CARF: variants seen among roughly 807,000 people sequenced by gnomAD.
CARF encodes calcium responsive transcription factor.
Under a neutral mutation model 82.0 loss-of-function variants are expected in CARF, and 57 were observed. That is an observed-to-expected ratio of 0.70 (90% CI 0.56 to 0.87). The LOEUF (loss-of-function observed/expected upper bound fraction) is 0.87, where lower values mean the gene tolerates loss of function less well. Among genes scored for constraint, CARF ranks in the 40% least tolerant of loss-of-function variants. The pLI is 0.00. For missense variants in CARF, 771 were observed against 855.8 expected (o/e 0.90, Z 1.24); for synonymous variants, 268 against 290.1 (o/e 0.92, Z 0.77).
chr2:202,934,666 G>C (rs1403369378), intron 3 of CARF: 2 of 152,322 alleles, frequency 1.3e-5, no homozygotes, highest in Admixed American at 1.3e-4. Context: ...TGTTGTCCGG[G>C]CTCGTCTGGA....
chr2:202,935,969 A>T (rs1693869471), intron 3 of CARF, among the ~76,000 whole-genome samples: 1 of 151,756 alleles, frequency 6.6e-6, no homozygotes, highest in Admixed American at 6.6e-5. Flanking sequence ...GACATGTGCC[A>T]CCATACCCAG....
chr2:202,937,772 G>A (rs1694180973), intron 3 of CARF, among the ~76,000 whole-genome samples: 1 of 151,900 alleles, frequency 6.6e-6, no homozygotes, highest in Non-Finnish European at 1.5e-5. Context: ...TTATAGGCGT[G>A]CGCCACCACG....
intron 5 of CARF, 146 bp downstream of exon 5, chr2:202,943,113 C>T (rs1459945751): frequency 2.2e-5 from 15 of 687,072 alleles, no homozygotes; most frequent in Non-Finnish European, 3.5e-5. Context: ...CTCTTGTTGC[C>T]CAGGCTGGAG....
intron 2 of CARF, among the ~76,000 whole-genome samples, chr2:202,918,525 C>T (rs796271063): frequency 1.4e-4 from 21 of 151,714 alleles, no homozygotes; most frequent in African/African-American, 4.4e-4. Flanking sequence ...AGCAAGACTC[C>T]GTCTCAAAAC....
At position 202,985,888 on chromosome 2, in the gene CARF, C is replaced by T. The variant is rs1302900552; in HGVS notation, c.*2264C>T. The T allele has an allele frequency of 6.6e-6, 1 of 151,978 alleles. No individual in the cohort carries two copies. The highest frequency in any genetic ancestry group is 1.5e-5 in the Non-Finnish European group (1 of 67,972). 9.4% of individuals were successfully genotyped at this position (151,978 alleles called of 1,614,324 possible). On this transcript the variant is annotated 3_prime_UTR_variant, in exon 17 of 17. Transcript: ENST00000438828. ...TAATATACAAACTCTAGTCAGTTAC[C>T]TGTGAGGATGAGATGTGTCAGAGGA...
intron 1 of CARF, among the ~76,000 whole-genome samples, chr2:202,915,192 AT>A (rs1340610266): frequency 2.7e-5 from 4 of 148,880 alleles, no homozygotes; most frequent in African/African-American, 5.0e-5. Context: ...AATTTTTTGT[AT>A]TTTAGTAGAG....
intron 1 of CARF, among the ~76,000 whole-genome samples, chr2:202,916,009 A>G (rs1303837690): frequency 6.6e-6 from 1 of 152,140 alleles, no homozygotes; most frequent in Non-Finnish European, 1.5e-5. Context: ...TAAAAAATAA[A>G]TTATCCTATT....
intron 3 of CARF, chr2:202,925,052 G>T: frequency 2.4e-6 from 1 of 416,812 alleles, no homozygotes; most frequent in Non-Finnish European, 4.7e-6. Flanking sequence ...AACATGGACA[G>T]CATGTTTGAG....
chr2:202,955,880 T>C, intron 8 of CARF, 122 bp downstream of exon 8: 1 of 581,274 alleles, frequency 1.7e-6, no homozygotes, highest in East Asian at 3.0e-5. Context: ...TTTGTGTTTA[T>C]GTTAAATCTG....
chr2:202,960,257 CT>C (rs541321979), intron 8 of CARF, among the ~76,000 whole-genome samples: 38 of 146,184 alleles, frequency 2.6e-4, no homozygotes, highest in Admixed American at 3.4e-4. Flanking sequence ...GAAGGATCTT[CT>C]TTTTTTTTTT....
At chr2:202,918,188 C>T (rs1271875451) in intron 2 of CARF, 145 bp downstream of exon 2, 1 of 304,958 alleles carries the variant, frequency 3.3e-6, no homozygotes, top group East Asian at 9.8e-5. Flanking sequence ...ACATTTTATA[C>T]TTAGCTATTT....
chr2:202,927,506 G>A (rs1416211522), intron 3 of CARF, among the ~76,000 whole-genome samples: 1 of 151,912 alleles, frequency 6.6e-6, no homozygotes, highest in African/African-American at 2.4e-5. Flanking sequence ...TCTTGCAGCA[G>A]TTTTCAAGTA....
chr2:202,964,491 G>A (rs1020307267), intron 9 of CARF, among the ~76,000 whole-genome samples: 1 of 151,766 alleles, frequency 6.6e-6, no homozygotes, highest in African/African-American at 2.4e-5. Flanking sequence ...ATGTTGCCTC[G>A]GCTGGTCTCA....
chr2:202,985,206 C>G lies in CARF; in HGVS notation c.*1582C>G, dbSNP rs905253963. 8 of 151,778 alleles carry G rather than the reference C, an allele frequency of 5.3e-5. No homozygotes were observed. Among genetic ancestry groups the G allele is most frequent in the Non-Finnish European group, 1.0e-4 (7 of 67,970 alleles). 9.4% of individuals were successfully genotyped at this position (151,778 alleles called of 1,614,324 possible). A position where few individuals can be genotyped will look rare whatever the true frequency, so the allele number is the denominator to read the frequency against. On this transcript the variant is annotated 3_prime_UTR_variant, in exon 17 of 17. Transcript: ENST00000438828. ...TAAATGGATATCAATGTTTAATATT[C>G]AAAACATGCACAATATAATATCAAA... is the stretch of plus-strand genomic sequence containing the variant.
intron 3 of CARF, among the ~76,000 whole-genome samples, chr2:202,933,872 T>TTTCC (rs1352791347): frequency 5.6e-5 from 3 of 53,834 alleles, no homozygotes; most frequent in Non-Finnish European, 2.0e-4. Context: ...CTTTCTTTTC[T>TTTCC]TTTCTTTTCT....
chr2:202,957,569 A>G (rs1390246569), intron 8 of CARF, among the ~76,000 whole-genome samples: 1 of 152,108 alleles, frequency 6.6e-6, no homozygotes, highest in African/African-American at 2.4e-5. Flanking sequence ...TGCAAGTCCT[A>G]CATGTCTTTT....
chr2:202,956,009 G>A (rs1227060823), intron 8 of CARF, among the ~76,000 whole-genome samples: 1 of 151,566 alleles, frequency 6.6e-6, no homozygotes, highest in East Asian at 1.9e-4. Flanking sequence ...CGTAGTCCAT[G>A]AAACTTCACT....
Position 202,982,540 on chromosome 2 carries a change from T to C in CARF, c.2059+99T>C, listed in dbSNP as rs2105948237. On this transcript the variant is annotated intron_variant, in intron 16 of 16. Transcript: ENST00000438828. ...AAAACTATTATTTCTACCCAGTGGGTCTATGATATTATGTAAATGAAGCAA... is the reference window on the plus strand; with the variant it reads ...AAAACTATTATTTCTACCCAGTGGGCCTATGATATTATGTAAATGAAGCAA... 7.4e-6 allele frequency: 10 copies of C among 1,351,152 alleles called. No homozygotes were observed. In the South Asian group the frequency reaches 1.4e-4, roughly 19 times the overall value. The allele number at this position is 1,351,152 out of a possible 1,614,324, so 83.7% of individuals were successfully genotyped here. A position where few individuals can be genotyped will look rare whatever the true frequency, so the allele number is the denominator to read the frequency against.
intron 3 of CARF, among the ~76,000 whole-genome samples, chr2:202,933,856 T>TATTC (rs1435627152): frequency 2.5e-5 from 3 of 120,376 alleles, no homozygotes; most frequent in Non-Finnish European, 6.1e-5. Context: ...GCTTTTCTTT[T>TATTC]CTTTCCTTTC....
Sources: gnomAD v4.1 joint callset for allele counts (sites outside exome capture counted in the v4.1 genomes callset) on GRCh38, gnomAD v4.1.1 for gene constraint, MANE v1.5 for transcripts, NCBI Gene and HGNC (gene_info 2026-07-23, HGNC 2026-07-21) for gene names.